Variants in GRB2 observed in about 807,000 individuals in gnomAD.
GRB2 encodes the protein growth factor receptor bound protein 2, also known as growth factor receptor-bound protein 2.
A neutral mutation model predicts 27.4 loss-of-function variants in GRB2; 2 were observed. The observed-to-expected ratio is 0.07, with a 90% CI of 0.03 to 0.23. The LOEUF (loss-of-function observed/expected upper bound fraction) is 0.23, where lower values mean the gene tolerates loss of function less well. Ranked by LOEUF, GRB2 falls within the 10% of genes least tolerant of loss-of-function variation. The pLI, the probability that GRB2 is intolerant of heterozygous loss-of-function variation, is 1.00. For missense variants in GRB2, 102 were observed against 282.4 expected, an observed-to-expected ratio of 0.36 and a Z score of 4.58; for synonymous variants, 94 against 99.6, an observed-to-expected ratio of 0.94 and a Z score of 0.33.
chr17:75,386,187 C>T (rs369059551), intron 2 of GRB2, among the ~76,000 whole-genome samples: 1 of 151,796 alleles, frequency 6.6e-6, no homozygotes, highest in East Asian at 1.9e-4. Context: ...GGCATGATCT[C>T]GGCTCACTGC....
intron 2 of GRB2, among the ~76,000 whole-genome samples, chr17:75,381,765 A>AAT (rs1401156326): frequency 1.3e-5 from 2 of 150,396 alleles, no homozygotes; most frequent in Non-Finnish European, 2.9e-5. Context: ...AGATATATGA[A>AAT]ATAATGACAT....
chr17:75,353,147 T>C (rs2078703979), intron 2 of GRB2, among the ~76,000 whole-genome samples: 1 of 146,884 alleles, frequency 6.8e-6, no homozygotes, highest in Non-Finnish European at 1.5e-5. Context: ...ATCGCGCCAC[T>C]GCACTTCAGC....
intron 3 of GRB2, among the ~76,000 whole-genome samples, chr17:75,328,439 G>C (rs1404301446): frequency 6.6e-6 from 1 of 151,818 alleles, no homozygotes; most frequent in Admixed American, 6.6e-5. Context: ...TCAGGAGTTC[G>C]AGACCAGCCT....
At chr17:75,338,636 A>G (rs1475613854) in intron 2 of GRB2, among the ~76,000 whole-genome samples, 1 of 152,210 alleles carries the variant, frequency 6.6e-6, no homozygotes, top group Non-Finnish European at 1.5e-5. Context: ...AGATGAGATT[A>G]TAAGAGGAGG....
chr17:75,370,459 GT>G (rs1217411421), intron 2 of GRB2, among the ~76,000 whole-genome samples: 2 of 152,184 alleles, frequency 1.3e-5, no homozygotes, highest in Non-Finnish European at 2.9e-5. Context: ...GTACAGCTAT[GT>G]TTGGCACCAC....
intron 2 of GRB2, among the ~76,000 whole-genome samples, chr17:75,357,029 T>TA (rs1302944545): frequency 6.6e-6 from 1 of 152,228 alleles, no homozygotes; most frequent in African/African-American, 2.4e-5. Flanking sequence ...TTTTCACTTT[T>TA]ACCACCATCA....
chr17:75,395,716 G>A (rs1363761957), intron 1 of GRB2, among the ~76,000 whole-genome samples: 1 of 152,092 alleles, frequency 6.6e-6, no homozygotes, highest in Non-Finnish European at 1.5e-5. Flanking sequence ...CCTGAAAGGT[G>A]AAGATTTAGT....
Position 75,320,607 on chromosome 17 carries a change from C to A in GRB2, c.469-54G>T. 1 of 1,424,014 alleles carries A rather than the reference C, an allele frequency of 7.0e-7. No homozygotes were observed. Among genetic ancestry groups the A allele is most frequent in the South Asian group, 1.2e-5 (1 of 86,154 alleles). The allele number at this position is 1,424,014 out of a possible 1,614,324, so 88.2% of individuals were successfully genotyped here. ...ATTGCATTCCTGGTCTGTGACTGGCCACCTCCGAGGCCAGATGGGTTCCAG... is the reference window on the plus strand; with the variant it reads ...ATTGCATTCCTGGTCTGTGACTGGCAACCTCCGAGGCCAGATGGGTTCCAG... On this transcript the variant is annotated intron_variant, in intron 5 of 5. Coordinates refer to ENST00000316804, the MANE Select transcript of GRB2 (RefSeq NM_002086.5). The surrounding 1 kb of genome is among the most constrained non-coding windows in gnomAD (Gnocchi z 4.3).
chr17:75,324,521 TTTTTTTTTTTTTTTG>T (rs915705782), intron 4 of GRB2, among the ~76,000 whole-genome samples: 8 of 85,970 alleles, frequency 9.3e-5, no homozygotes, highest in Non-Finnish European at 1.9e-4. Flanking sequence ...TTTTTTTTTT[TTTTTTTTTTTTTTTG>T]GAGACAGAGT....
chr17:75,390,456 G>C (rs1226568139), intron 2 of GRB2, among the ~76,000 whole-genome samples: 2 of 152,110 alleles, frequency 1.3e-5, no homozygotes, highest in Admixed American at 1.3e-4. Flanking sequence ...GAGGAATTCT[G>C]ATGTATTCCA....
chr17:75,335,384 T>C (rs2078570174), intron 2 of GRB2, among the ~76,000 whole-genome samples: 1 of 152,184 alleles, frequency 6.6e-6, no homozygotes, highest in Admixed American at 6.6e-5. Context: ...CTTTACAAAA[T>C]GATTTATTCA....
intron 2 of GRB2, among the ~76,000 whole-genome samples, chr17:75,356,844 G>A (rs749693561): frequency 7.9e-5 from 12 of 152,032 alleles, no homozygotes; most frequent in Non-Finnish European, 1.6e-4. Context: ...TTCTTCCTAC[G>A]TAACTGGCCA....
chr17:75,336,264 G>A lies in GRB2; in HGVS notation c.79-3467C>T, dbSNP rs116641598. On this transcript the variant is annotated intron_variant, in intron 2 of 5. Transcript: ENST00000316804. Reference sequence around the variant, plus strand: ...CTACGTTGCTCAGGCTGGAGTAGCTGGGACTACAGGTGCGTGCACCCATAC... The same window carrying A: ...CTACGTTGCTCAGGCTGGAGTAGCTAGGACTACAGGTGCGTGCACCCATAC... Among the ~76,000 whole-genome samples the A allele has an allele frequency of 9.7e-3, 1,474 of 152,234 alleles. 28 individuals carry two copies. Among genetic ancestry groups the A allele is most frequent in the South Asian group, 0.048 (232 of 4,828 alleles).
intron 2 of GRB2, among the ~76,000 whole-genome samples, chr17:75,358,178 G>C (rs927307027): frequency 6.6e-6 from 1 of 151,972 alleles, no homozygotes. Context: ...TAATTATTAG[G>C]TTCACTGCCC....
intron 2 of GRB2, among the ~76,000 whole-genome samples, chr17:75,381,626 CAGG>C (rs2078928487): frequency 6.8e-6 from 1 of 146,800 alleles, no homozygotes; most frequent in African/African-American, 2.5e-5. Flanking sequence ...GAGGCTGAGG[CAGG>C]AGAATTGCTT....
chr17:75,403,707 T>C (rs1428100467), intron 1 of GRB2, among the ~76,000 whole-genome samples: 1 of 151,144 alleles, frequency 6.6e-6, no homozygotes, highest in Non-Finnish European at 1.5e-5. Context: ...GAAGCTGCAG[T>C]GAGCCGAGAT....
chr17:75,349,657 T>A (rs1233070244), intron 2 of GRB2, among the ~76,000 whole-genome samples: 1 of 151,736 alleles, frequency 6.6e-6, no homozygotes, highest in African/African-American at 2.4e-5. Context: ...GTAGCTAGGA[T>A]TGCAGGCGCC....
At chr17:75,389,140 C>T (rs746035664) in intron 2 of GRB2, among the ~76,000 whole-genome samples, 1 of 152,190 alleles carries the variant, frequency 6.6e-6, no homozygotes, top group Non-Finnish European at 1.5e-5. Flanking sequence ...TTCTTAAGGA[C>T]CAGATCAAAC....
chr17:75,405,307 G>A (rs563657022), intron 1 of GRB2, 182 bp downstream of exon 1: 4 of 152,566 alleles, frequency 2.6e-5, no homozygotes, highest in Admixed American at 6.5e-5. Flanking sequence ...TCCCCAGGAA[G>A]GAAGCGCCCC....
Sources: gnomAD v4.1 joint callset for allele counts (sites outside exome capture counted in the v4.1 genomes callset) on GRCh38, gnomAD v4.1.1 for gene constraint, Gnocchi (gnomAD v3.1) non-coding constraint, MANE v1.5 for transcripts, NCBI Gene and HGNC (gene_info 2026-07-23, HGNC 2026-07-21) for gene names.